The following SCN2A variants were observed in gnomAD, a reference collection of about 807,000 sequenced individuals.
The protein encoded by SCN2A is sodium voltage-gated channel alpha subunit 2.
Under a neutral mutation model 188.7 loss-of-function variants are expected in SCN2A, and 20 were observed. The observed-to-expected ratio is 0.11, with a 90% CI of 0.07 to 0.15. The LOEUF is 0.15. Among genes scored for constraint, SCN2A ranks in the 10% least tolerant of loss-of-function variants. SCN2A has a pLI of 1.00. For synonymous variants in SCN2A, 804 were observed against 833.1 expected, an observed-to-expected ratio of 0.97 and a Z score of 0.60; for missense variants, 1,278 against 2,445.0, an observed-to-expected ratio of 0.52 and a Z score of 10.07.
chr2:165,275,081 C>A (rs1695277117), intron 1 of SCN2A, among the ~76,000 whole-genome samples: 1 of 152,212 alleles, frequency 6.6e-6, no homozygotes, highest in South Asian at 2.1e-4. Flanking sequence ...CTGCTACCTG[C>A]TCTACTTTCT....
At chr2:165,340,207 C>A (rs979388949) in intron 14 of SCN2A, among the ~76,000 whole-genome samples, 7 of 152,150 alleles carry the variant, frequency 4.6e-5, no homozygotes, top group African/African-American at 1.4e-4. Context: ...AGGAGAACAT[C>A]TTTGAGACCT....
At chr2:165,314,185 G>T in intron 10 of SCN2A, 77 bp downstream of exon 10, 2 of 1,442,314 alleles carry the variant, frequency 1.4e-6, no homozygotes, top group Non-Finnish European at 1.9e-6. Flanking sequence ...TCAGTGGCAA[G>T]GTAGTTGACA....
intron 1 of SCN2A, chr2:165,272,051 A>G (rs1318870186): frequency 2.0e-5 from 3 of 152,072 alleles, no homozygotes; most frequent in African/African-American, 4.8e-5. Flanking sequence ...TTGTGGGTGT[A>G]TATTTTCACT....
chr2:165,241,342 A>G (rs933663032), intron 1 of SCN2A, among the ~76,000 whole-genome samples: 10 of 152,162 alleles, frequency 6.6e-5, no homozygotes, highest in African/African-American at 2.4e-4. Context: ...TAGGTGGTGT[A>G]TACTCTTCTA....
chr2:165,265,471 C>A (rs868318543), intron 1 of SCN2A, among the ~76,000 whole-genome samples: 1,990 of 29,026 alleles, frequency 0.069, 96 homozygotes, highest in African/African-American at 0.13. Context: ...CTCTGTTGAT[C>A]TATATATATA....
chr2:165,365,426 T>G (rs753146375), intron 18 of SCN2A, among the ~76,000 whole-genome samples, 163 bp downstream of exon 18: 14 of 121,554 alleles, frequency 1.2e-4, no homozygotes, highest in Non-Finnish European at 2.1e-4. Context: ...ATCCAACAAC[T>G]GTACATTTAT....
At chr2:165,257,417 A>G (rs997582501) in intron 1 of SCN2A, among the ~76,000 whole-genome samples, 3 of 152,160 alleles carry the variant, frequency 2.0e-5, no homozygotes, top group Non-Finnish European at 1.5e-5. Context: ...TTGACTTCCT[A>G]GTCTATAAGA....
At position 165,255,740 on chromosome 2, in the gene SCN2A, A is replaced by T. The variant is rs74652724; in HGVS notation, c.-52+16100A>T. On this transcript the variant is annotated intron_variant, in intron 1 of 26. Coordinates refer to ENST00000375437, the MANE Select transcript of SCN2A (RefSeq NM_001040142.2). The stretch of plus-strand genomic sequence containing the variant: ...ATGATATATTTTCTCAGCTGCTGGT[A>T]GATGAAAATATTTCTGTAATGCCCT... Among the ~76,000 whole-genome samples, 781 of 152,322 alleles carry T rather than the reference A, an allele frequency of 5.1e-3. 4 individuals are homozygous for T. The highest frequency in any genetic ancestry group is 0.018 in the African/African-American group (747 of 41,576).
intron 14 of SCN2A, among the ~76,000 whole-genome samples, chr2:165,339,252 G>A (rs1266042273): frequency 3.3e-5 from 5 of 150,464 alleles, no homozygotes. Context: ...GAAAAAGAAA[G>A]AAAACCCTAC....
At chr2:165,382,601 C>A (rs1701660258) in intron 25 of SCN2A, among the ~76,000 whole-genome samples, 1 of 151,880 alleles carries the variant, frequency 6.6e-6, no homozygotes. Flanking sequence ...GTAAGAATAG[C>A]ATATTTTCAT....
At chr2:165,243,647 G>A (rs1349656461) in intron 1 of SCN2A, 3 of 151,522 alleles carry the variant, frequency 2.0e-5, no homozygotes, top group Non-Finnish European at 4.4e-5. Context: ...TTCCCTTAGG[G>A]AACTAGCTTC....
intron 16 of SCN2A, 26 bp from the exon 17 acceptor site, chr2:165,354,166 C>A: frequency 1.2e-6 from 2 of 1,612,716 alleles, no homozygotes; most frequent in South Asian, 2.2e-5. Context: ...ATGTTTTGAT[C>A]ACCTGTTTTT....
chr2:165,311,931 T>C (rs998106381), intron 7 of SCN2A, 94 bp from the exon 8 acceptor site: 4 of 775,118 alleles, frequency 5.2e-6, no homozygotes, highest in South Asian at 1.4e-5. Flanking sequence ...CTCATTATGA[T>C]TGAAAACATT....
chr2:165,355,344 T>G (rs1700126543), intron 17 of SCN2A, among the ~76,000 whole-genome samples: 1 of 152,194 alleles, frequency 6.6e-6, no homozygotes, highest in Admixed American at 6.5e-5. Flanking sequence ...ATTTACCAAC[T>G]CAGTAAGTCC....
At chr2:165,304,055 T>C (rs1333319438) in intron 3 of SCN2A, among the ~76,000 whole-genome samples, 1 of 152,194 alleles carries the variant, frequency 6.6e-6, no homozygotes, top group Non-Finnish European at 1.5e-5. Context: ...CCTTATATTT[T>C]TCTTATATTT....
intron 25 of SCN2A, among the ~76,000 whole-genome samples, chr2:165,384,853 T>C (rs758583356): frequency 1.3e-5 from 2 of 152,142 alleles, no homozygotes; most frequent in African/African-American, 2.4e-5. Flanking sequence ...ATAAACTATG[T>C]AAAATGATAC....
chr2:165,363,333 C>A (rs1291877694), intron 17 of SCN2A, among the ~76,000 whole-genome samples: 1 of 152,082 alleles, frequency 6.6e-6, no homozygotes, highest in African/African-American at 2.4e-5. Flanking sequence ...CGAAGTCTTA[C>A]CCCGTTCTGT....
intron 16 of SCN2A, among the ~76,000 whole-genome samples, chr2:165,348,284 G>C (rs1310391013): frequency 6.6e-6 from 1 of 151,484 alleles, no homozygotes; most frequent in African/African-American, 2.4e-5. Flanking sequence ...GCTTGAGCCT[G>C]GGAGGCAGAG....
chr2:165,316,474 A>G (rs1174070693), intron 11 of SCN2A, among the ~76,000 whole-genome samples: 1 of 152,184 alleles, frequency 6.6e-6, no homozygotes, highest in East Asian at 1.9e-4. Context: ...TTGTCTTTGA[A>G]ATTACCAAGA....
Sources: gnomAD v4.1 joint callset for allele counts (sites outside exome capture counted in the v4.1 genomes callset) on GRCh38, gnomAD v4.1.1 for gene constraint, MANE v1.5 for transcripts, NCBI Gene and HGNC (gene_info 2026-07-23, HGNC 2026-07-21) for gene names.